The following DNAJC11 variants were observed in gnomAD, a reference collection of about 807,000 sequenced individuals.
The protein encoded by DNAJC11 is dnaJ homolog subfamily C member 11.
Under a neutral mutation model 78.6 loss-of-function variants are expected in DNAJC11, and 15 were observed. The observed-to-expected ratio is 0.19, with a 90% CI of 0.13 to 0.29. The LOEUF is 0.29. DNAJC11 is among the 10% of genes least tolerant of loss of function. The probability of loss-of-function intolerance (pLI) is 1.00; values close to 1 mark genes in which losing one functional copy is unlikely to be tolerated. For synonymous variants in DNAJC11, 292 were observed against 272.1 expected (o/e 1.07, Z -0.72); for missense variants, 547 against 709.6 (o/e 0.77, Z 2.60).
chr1:6,663,992 C>A (rs549649436), intron 4 of DNAJC11, among the ~76,000 whole-genome samples: 7 of 152,306 alleles, frequency 4.6e-5, no homozygotes, highest in African/African-American at 1.7e-4. Flanking sequence ...TCCCATGCTG[C>A]CTCCCATGGA....
chr1:6,667,792 T>C lies in DNAJC11; in HGVS notation c.295A>G (p.Thr99Ala), dbSNP rs995487222. Residue 99 changes from threonine (T) to alanine (A), a missense_variant, in exon 4 of 16, where the codon ACC becomes GCC. Thr to Ala is a moderately conservative substitution (Grantham distance 58). Coordinates refer to ENST00000377577, the MANE Select transcript of DNAJC11 (RefSeq NM_018198.4). ...AACTCCTCTCGAATTTCAGCAGGGGTTCTCCTCCTTTCCACAACCTATGCA... is the reference window on the plus strand; with the variant it reads ...AACTCCTCTCGAATTTCAGCAGGGGCTCTCCTCCTTTCCACAACCTATGCA... ...EGWEVVERRR[T>A]PAEIREEFER... 3 of 1,613,884 alleles carry C rather than the reference T, an allele frequency of 1.9e-6. No homozygotes were observed. In the South Asian group the frequency reaches 3.3e-5, roughly 18 times the overall value.
At chr1:6,640,295 C>T (rs1245207059) in intron 10 of DNAJC11, among the ~76,000 whole-genome samples, 6 of 152,088 alleles carry the variant, frequency 3.9e-5, no homozygotes, top group Admixed American at 3.9e-4. Flanking sequence ...GACCTCAAGC[C>T]AAAGCAACAA....
At chr1:6,642,180 G>C (rs958782537) in intron 10 of DNAJC11, among the ~76,000 whole-genome samples, 2 of 152,144 alleles carry the variant, frequency 1.3e-5, no homozygotes, top group African/African-American at 4.8e-5. Context: ...ACTACATCAC[G>C]GAGGGCATTG....
intron 3 of DNAJC11, among the ~76,000 whole-genome samples, chr1:6,668,430 C>T (rs1186854717): frequency 2.0e-5 from 3 of 152,116 alleles, no homozygotes; most frequent in Non-Finnish European, 2.9e-5. Context: ...TGAGCCACTG[C>T]GCCGGCCTAC....
intron 7 of DNAJC11, 42 bp from the exon 8 acceptor site, chr1:6,646,020 G>C (rs763763383): frequency 1.5e-5 from 23 of 1,581,404 alleles, no homozygotes; most frequent in Non-Finnish European, 1.9e-5. Context: ...GATAGCACCT[G>C]CTCTCAGCTG....
rs1641796241 is a variant in DNAJC11, at chr1:6,637,312, C to T, written c.1410G>A (p.Gly470=). 2 of 1,614,104 alleles carry T rather than the reference C, an allele frequency of 1.2e-6. No individual in the cohort carries two copies. The highest frequency in any genetic ancestry group is 1.7e-6 in the Non-Finnish European group (2 of 1,180,040). Residue 470 remains glycine (G), a synonymous_variant, in exon 14 of 16, where the codon GGG becomes GGA. Transcript: ENST00000377577. ...MGLIIVNAWY[G]KFVNDKSRKS... ...TCCTGCTCTTGTCATTGACAAACTT[C>T]CCGTACCAGGCATTGACGATGATGA...
At chr1:6,650,959 A>T in intron 7 of DNAJC11, 1 of 458,560 alleles carries the variant, frequency 2.2e-6, no homozygotes, top group South Asian at 1.6e-5. Flanking sequence ...AGAAAGAGGT[A>T]TTATTTACCC....
At chr1:6,674,799 C>T (rs561509270) in intron 3 of DNAJC11, among the ~76,000 whole-genome samples, 132 of 152,098 alleles carry the variant, frequency 8.7e-4, no homozygotes, top group African/African-American at 2.9e-3. Context: ...TCTAAAGAAG[C>T]TCCAGGGTTG....
In DNAJC11 at chr1:6,667,636, T is replaced by C. The variant is rs562973239; in HGVS notation, c.378+73A>G. The stretch of plus-strand genomic sequence containing the variant: ...ACTTTAACAATCCACCAGCACCTCA[T>C]TATTTCAGACCTGGCTTCTAGTTAT... On this transcript the variant is annotated intron_variant, in intron 4 of 15. Transcript: ENST00000377577. 3.5e-5 allele frequency: 44 copies of C among 1,268,452 alleles called. 1 individual carries two copies. In the South Asian group the frequency reaches 5.2e-4, roughly 15 times the overall value. 78.6% of individuals were successfully genotyped at this position (1,268,452 alleles called of 1,614,324 possible). A position where few individuals can be genotyped will look rare whatever the true frequency, so the allele number is the denominator to read the frequency against.
chr1:6,669,578 G>A lies in DNAJC11; in HGVS notation c.277-1768C>T, dbSNP rs149805765. ...AAGAAAAGAAAAGAAAAGAAAAGAAGGCATTTCAATTCCAGTTCAGCCCTT... is the reference window on the plus strand; with the variant it reads ...AAGAAAAGAAAAGAAAAGAAAAGAAAGCATTTCAATTCCAGTTCAGCCCTT... On this transcript the variant is annotated intron_variant, in intron 3 of 15. Coordinates refer to ENST00000377577, the MANE Select transcript of DNAJC11 (RefSeq NM_018198.4). 6.4e-4 allele frequency among the ~76,000 whole-genome samples: 86 copies of A among 135,204 alleles called. 1 individual carries two copies. Among genetic ancestry groups the A allele is most frequent in the African/African-American group, 2.2e-3 (80 of 35,622 alleles). The allele number at this position is 135,204 out of a possible 152,430, so 88.7% of individuals were successfully genotyped here. A position where few individuals can be genotyped will look rare whatever the true frequency, so the allele number is the denominator to read the frequency against.
At chr1:6,668,020 C>T (rs1424370859) in intron 3 of DNAJC11, 4 of 542,324 alleles carry the variant, frequency 7.4e-6, no homozygotes, top group African/African-American at 5.7e-5. Context: ...TGGCCCTTCC[C>T]AAGGTTGAAA....
At position 6,646,884 on chromosome 1, in the gene DNAJC11, A is replaced by G. The variant is rs1462795038; in HGVS notation, c.705-906T>C. 2.6e-5 allele frequency among the ~76,000 whole-genome samples: 4 copies of G among 152,038 alleles called. No individual in the cohort carries two copies. In the East Asian group the frequency reaches 5.8e-4, roughly 22 times the overall value. ...CATTAAAATAACAGTAGGCAGGCTC[A>G]TTGGCTCACACCTGTAACCCCAGCA... On this transcript the variant is annotated intron_variant, in intron 7 of 15. Transcript: ENST00000377577.
chr1:6,639,705 A>G (rs1490160198), intron 11 of DNAJC11, among the ~76,000 whole-genome samples, 197 bp downstream of exon 11: 1 of 152,232 alleles, frequency 6.6e-6, no homozygotes, highest in Non-Finnish European at 1.5e-5. Flanking sequence ...ACAGCAGTCC[A>G]ACTACGGACA....
rs1642535705 is a variant in DNAJC11 at position 6,680,560 on chromosome 1, A to G, written c.202+348T>C. ...ATGAAAAAATGTCCTTGTATCTTCT[A>G]ACAAAAAAGAGAACAAAGAAACCTT... On this transcript the variant is annotated intron_variant, in intron 2 of 15. Transcript: ENST00000377577. This position sits in a 1 kb window ranked among gnomAD's most constrained non-coding sequence, Gnocchi z 4.0. 6.6e-6 allele frequency among the ~76,000 whole-genome samples: 1 copy of G among 152,194 alleles called. No homozygotes were observed. The highest frequency in any genetic ancestry group is 6.5e-5 in the Admixed American group (1 of 15,276).
intron 1 of DNAJC11, among the ~76,000 whole-genome samples, chr1:6,687,848 G>A (rs1275317692): frequency 6.6e-6 from 1 of 152,044 alleles, no homozygotes; most frequent in Non-Finnish European, 1.5e-5. Context: ...TGTGTAGACT[G>A]GAGTAACTCA....
chr1:6,695,143 CAAAAA>C lies in DNAJC11; in HGVS notation c.72+6581_72+6585del, dbSNP rs747901916. Among the ~76,000 whole-genome samples, 22 of 134,472 alleles carry C rather than the reference CAAAAA, an allele frequency of 1.6e-4. No homozygotes were observed. The South Asian group carries it at 3.2e-3, about 19-fold the overall frequency. 88.2% of individuals were successfully genotyped at this position (134,472 alleles called of 152,430 possible). ...CCTGGGTGACAGAGCGAGACTCTCT[CAAAAA>C]AAAAAAAAAAAAAATTTTTTTTTTT... On this transcript the variant is annotated intron_variant, in intron 1 of 15. Coordinates refer to ENST00000377577, the MANE Select transcript of DNAJC11 (RefSeq NM_018198.4).
rs765255617 is a variant in DNAJC11 at position 6,654,087 on chromosome 1, A to G, written c.379-48T>C. Reference sequence around the variant, plus strand: ...CAGCAGAACGGGTGGTATTTGTGGAATGAAAGACAATGCTACACTTCAACA... The same window carrying G: ...CAGCAGAACGGGTGGTATTTGTGGAGTGAAAGACAATGCTACACTTCAACA... On this transcript the variant is annotated intron_variant, in intron 4 of 15. Coordinates refer to ENST00000377577, the MANE Select transcript of DNAJC11 (RefSeq NM_018198.4). 7.1e-5 allele frequency: 114 copies of G among 1,599,992 alleles called. 1 individual carries two copies. The South Asian group carries it at 1.2e-3, about 17-fold the overall frequency.
At chr1:6,701,641 G>A in intron 1 of DNAJC11, 88 bp downstream of exon 1, 4 of 1,359,628 alleles carry the variant, frequency 2.9e-6, no homozygotes. Context: ...GCCTCCCGTG[G>A]CGGGGGTGGG....
chr1:6,693,165 C>G (rs950806726), intron 1 of DNAJC11, among the ~76,000 whole-genome samples: 1 of 151,202 alleles, frequency 6.6e-6, no homozygotes, highest in Non-Finnish European at 1.5e-5. Context: ...TGCCCGCCTC[C>G]GCCTCCCAAA....
Sources: gnomAD v4.1 joint callset for allele counts (sites outside exome capture counted in the v4.1 genomes callset) on GRCh38, gnomAD v4.1.1 for gene constraint, Gnocchi (gnomAD v3.1) non-coding constraint, MANE v1.5 for transcripts, NCBI Gene and HGNC (gene_info 2026-07-23, HGNC 2026-07-21) for gene names.